RYR3: variants seen among roughly 807,000 people sequenced by gnomAD.
RYR3 encodes the protein brain ryanodine receptor-calcium release channel.
In RYR3, 207 loss-of-function variants were observed where a neutral mutation model predicts 584.3. The ratio of observed to expected loss-of-function variants is 0.35; its 90% CI spans 0.32 to 0.40. The LOEUF (loss-of-function observed/expected upper bound fraction) is 0.40. RYR3 is among the 10% of genes least tolerant of loss of function. The pLI, the probability that RYR3 is intolerant of heterozygous loss-of-function variation, is 1.00. For missense variants in RYR3, 5,616 were observed against 6,089.2 expected (o/e 0.92, Z 2.59); for synonymous variants, 2,416 against 2,248.5 (o/e 1.07, Z -2.11).
chr15:33,674,416 T>C (rs1465609217), intron 38 of RYR3, among the ~76,000 whole-genome samples: 3 of 152,214 alleles, frequency 2.0e-5, no homozygotes, highest in African/African-American at 7.2e-5. Context: ...CCCTTCCATA[T>C]TGTGGAATTT....
intron 1 of RYR3, among the ~76,000 whole-genome samples, chr15:33,364,285 T>C (rs1975172067): frequency 6.6e-6 from 1 of 152,318 alleles, no homozygotes; most frequent in East Asian, 1.9e-4. Flanking sequence ...CTCTCAGTGG[T>C]TGACATTCCT....
At chr15:33,413,194 T>A (rs958458740) in intron 1 of RYR3, among the ~76,000 whole-genome samples, 2 of 152,220 alleles carry the variant, frequency 1.3e-5, no homozygotes, top group Non-Finnish European at 2.9e-5. Flanking sequence ...TTGCATTTCC[T>A]AGAAAACCTA....
chr15:33,460,052 A>G (rs2047888880), intron 1 of RYR3, among the ~76,000 whole-genome samples: 1 of 152,206 alleles, frequency 6.6e-6, no homozygotes, highest in African/African-American at 2.4e-5. Context: ...CACTCTAAGA[A>G]CTTTTACTGC....
intron 100 of RYR3, 27 bp downstream of exon 100, chr15:33,859,758 G>C: frequency 1.3e-6 from 2 of 1,588,136 alleles, no homozygotes; most frequent in Non-Finnish European, 1.7e-6. Flanking sequence ...TGTTGAGTAT[G>C]AACAGGGTTT....
At chr15:33,669,880 G>GGTGTGTGTGTGTGT (rs71117160) in intron 37 of RYR3, among the ~76,000 whole-genome samples, 1 of 103,448 alleles carries the variant, frequency 9.7e-6, no homozygotes, top group African/African-American at 3.7e-5. Flanking sequence ...GGGTGTGTGT[G>GGTGTGTGTGTGTGT]GTGTGTGTGT....
chr15:33,856,892 C>G (rs902089877), intron 98 of RYR3: 3 of 152,212 alleles, frequency 2.0e-5, no homozygotes, highest in Admixed American at 2.0e-4. Flanking sequence ...CTCCTGACCT[C>G]GTGATCCGCC....
rs191571757 is a variant in RYR3 at position 33,621,506 on chromosome 15, A to G, written c.2358-2301A>G. Reference sequence around the variant, plus strand: ...ATTTCCTGAGGTTCACTAAATTAGTAATACTGCAGGCTAATGACTCAATTT... The same window carrying G: ...ATTTCCTGAGGTTCACTAAATTAGTGATACTGCAGGCTAATGACTCAATTT... On this transcript the variant is annotated intron_variant, in intron 19 of 103. Coordinates refer to ENST00000634891, the MANE Select transcript of RYR3 (RefSeq NM_001036.6). Among the ~76,000 whole-genome samples, 130 of 152,352 alleles carry G rather than the reference A, an allele frequency of 8.5e-4. 1 individual carries two copies. Among genetic ancestry groups the G allele is most frequent in the African/African-American group, 2.8e-3 (117 of 41,582 alleles).
At chr15:33,363,446 C>G (rs1016384409) in intron 1 of RYR3, among the ~76,000 whole-genome samples, 11 of 152,164 alleles carry the variant, frequency 7.2e-5, no homozygotes, top group African/African-American at 2.4e-4. Context: ...CACAGAGGAT[C>G]CTTTGGCCAG....
At chr15:33,809,965 C>A (rs2076429689) in intron 70 of RYR3, among the ~76,000 whole-genome samples, 1 of 152,170 alleles carries the variant, frequency 6.6e-6, no homozygotes, top group African/African-American at 2.4e-5. Context: ...TCCAAAGCAG[C>A]CCTGCTTTAG....
At chr15:33,675,235 T>C (rs2064100000) in intron 38 of RYR3, among the ~76,000 whole-genome samples, 1 of 152,244 alleles carries the variant, frequency 6.6e-6, no homozygotes, top group South Asian at 2.1e-4. Flanking sequence ...CTGAGCATTG[T>C]CTTGAGCACT....
intron 2 of RYR3, among the ~76,000 whole-genome samples, chr15:33,477,654 T>TC (rs1487068749): frequency 6.7e-6 from 1 of 148,170 alleles, no homozygotes; most frequent in African/African-American, 2.5e-5. Context: ...GATGGGCGGA[T>TC]CACGAGGTCA....
At chr15:33,431,154 C>G (rs2045107262) in intron 1 of RYR3, among the ~76,000 whole-genome samples, 1 of 152,178 alleles carries the variant, frequency 6.6e-6, no homozygotes, top group East Asian at 1.9e-4. Flanking sequence ...TCTATCCAAT[C>G]CAGCACTTCT....
intron 38 of RYR3, among the ~76,000 whole-genome samples, chr15:33,695,782 CA>C (rs202075987): frequency 1.4e-5 from 2 of 147,886 alleles, no homozygotes; most frequent in Non-Finnish European, 3.0e-5. Context: ...CCTTAAAATA[CA>C]AAAAAAAAAT....
At chr15:33,832,758 C>T (rs2077769896) in intron 86 of RYR3, among the ~76,000 whole-genome samples, 1 of 151,736 alleles carries the variant, frequency 6.6e-6, no homozygotes, top group Non-Finnish European at 1.5e-5. Context: ...GCCTGTAATC[C>T]CAGCACTTTG....
At chr15:33,555,280 G>A (rs1017625398) in intron 10 of RYR3, among the ~76,000 whole-genome samples, 3 of 152,152 alleles carry the variant, frequency 2.0e-5, no homozygotes, top group Non-Finnish European at 4.4e-5. Flanking sequence ...CAGAAACAGC[G>A]CTGTTTTTGC....
chr15:33,453,930 C>T (rs111259099), intron 1 of RYR3, among the ~76,000 whole-genome samples: 9 of 152,104 alleles, frequency 5.9e-5, no homozygotes, highest in Non-Finnish European at 1.3e-4. Flanking sequence ...TAGGATCCAG[C>T]GGGTAAATGA....
rs1168790292 is a variant in RYR3, at chr15:33,705,213, A to T, written c.6484-1706A>T. On this transcript the variant is annotated intron_variant, in intron 42 of 103. Coordinates refer to ENST00000634891, the MANE Select transcript of RYR3 (RefSeq NM_001036.6). ...CTCTGCCCAATTCTGGCCCTTATTG[A>T]TGCTTCCCTGACATTTTAAAGACAA... Among the ~76,000 whole-genome samples, 5 of 151,780 alleles carry T rather than the reference A, an allele frequency of 3.3e-5. 1 individual carries two copies. The South Asian group carries it at 6.2e-4, about 19-fold the overall frequency.
intron 2 of RYR3, among the ~76,000 whole-genome samples, chr15:33,503,265 C>A (rs1001861208): frequency 6.6e-6 from 1 of 152,172 alleles, no homozygotes; most frequent in Non-Finnish European, 1.5e-5. Flanking sequence ...TACAGATTAT[C>A]GTGGATGAAA....
intron 77 of RYR3, among the ~76,000 whole-genome samples, chr15:33,820,491 T>C (rs1445228036): frequency 6.6e-6 from 1 of 152,204 alleles, no homozygotes; most frequent in Non-Finnish European, 1.5e-5. Context: ...TTCAAGTCTG[T>C]GGTTAAACCA....
Sources: allele counts gnomAD v4.1 joint callset (sites outside exome capture counted in the v4.1 genomes callset), GRCh38; gene constraint gnomAD v4.1.1; transcripts MANE v1.5; gene names NCBI Gene and HGNC (gene_info 2026-07-23, HGNC 2026-07-21).